The following FTO variants were observed in gnomAD, a reference collection of about 807,000 sequenced individuals.
FTO encodes alpha-ketoglutarate-dependent dioxygenase FTO.
A neutral mutation model predicts 63.9 loss-of-function variants in FTO; 47 were observed. The observed-to-expected ratio is 0.74, with a 90% CI of 0.58 to 0.94. FTO has a LOEUF of 0.94. Among genes scored for constraint, FTO ranks in the 40% least tolerant of loss-of-function variants. The pLI, the probability that FTO is intolerant of heterozygous loss-of-function variation, is 0.00. For synonymous variants in FTO, 207 were observed against 224.4 expected, an observed-to-expected ratio of 0.92 and a Z score of 0.69; for missense variants, 562 against 618.1, an observed-to-expected ratio of 0.91 and a Z score of 0.96.
chr16:54,071,839 A>T (rs2144457214), intron 8 of FTO: 1 of 152,230 alleles, frequency 6.6e-6, no homozygotes, highest in Admixed American at 6.5e-5. Flanking sequence ...CCTAAATGGG[A>T]TCCATCAATT....
chr16:54,040,111 T>A (rs2085036091), intron 8 of FTO: 1 of 152,236 alleles, frequency 6.6e-6, no homozygotes, highest in African/African-American at 2.4e-5. Flanking sequence ...GTGAACTGCT[T>A]TAATAATAAC....
chr16:53,721,890 A>T (rs573447900), intron 1 of FTO, among the ~76,000 whole-genome samples: 4 of 152,224 alleles, frequency 2.6e-5, no homozygotes, highest in Non-Finnish European at 5.9e-5. Flanking sequence ...TTTTGAAAAA[A>T]CAGAGATACT....
At chr16:53,781,935 C>T (rs184825955) in intron 1 of FTO, among the ~76,000 whole-genome samples, 1 of 152,244 alleles carries the variant, frequency 6.6e-6, no homozygotes, top group Admixed American at 6.5e-5. Context: ...TTCTCTACAC[C>T]TCAGTTTCTT....
rs1299546781 is a variant in FTO at position 54,113,231 on chromosome 16, T to G, written c.*1316T>G. 6.6e-6 allele frequency: 1 copy of G among 152,254 alleles called. No individual in the cohort carries two copies. Among genetic ancestry groups the G allele is most frequent in the Non-Finnish European group, 1.5e-5 (1 of 68,102 alleles). 9.4% of individuals were successfully genotyped at this position (152,254 alleles called of 1,614,324 possible). A position where few individuals can be genotyped will look rare whatever the true frequency, so the allele number is the denominator to read the frequency against. The stretch of plus-strand genomic sequence containing the variant: ...TCTTGTGATGCCATTAACACATCTC[T>G]CCCTTTCTGACCTGGCTCCTGCCCA... On this transcript the variant is annotated 3_prime_UTR_variant, in exon 9 of 9. Transcript: ENST00000471389.
chr16:54,042,461 C>G (rs2085106343), intron 8 of FTO, among the ~76,000 whole-genome samples: 1 of 35,304 alleles, frequency 2.8e-5, no homozygotes, highest in Non-Finnish European at 4.8e-5. Context: ...GTCCTACGCC[C>G]ACGGAATCTC....
upstream of FTO, chr16:53,703,973 C>A: frequency 1.6e-6 from 1 of 644,544 alleles, no homozygotes; most frequent in Admixed American, 2.3e-5. Context: ...CTACGCTCTT[C>A]CAGCTGTCGG....
At chr16:53,841,985 C>A (rs1245470548) in intron 3 of FTO, among the ~76,000 whole-genome samples, 1 of 152,176 alleles carries the variant, frequency 6.6e-6, no homozygotes, top group Admixed American at 6.5e-5. Context: ...AGCAGCAATG[C>A]CATGCTTTCT....
intron 4 of FTO, among the ~76,000 whole-genome samples, chr16:53,847,777 A>T (rs2079672415): frequency 6.6e-6 from 1 of 152,246 alleles, no homozygotes; most frequent in Non-Finnish European, 1.5e-5. Flanking sequence ...TCAAAAAAAA[A>T]AAAAGCGCTG....
intron 1 of FTO, among the ~76,000 whole-genome samples, chr16:53,730,193 T>C (rs2076240839): frequency 6.6e-6 from 1 of 152,148 alleles, no homozygotes; most frequent in South Asian, 2.1e-4. Context: ...AAATATCATA[T>C]TGAAAGGAGA....
intron 4 of FTO, among the ~76,000 whole-genome samples, chr16:53,867,165 G>C (rs1172389647): frequency 6.6e-6 from 1 of 151,910 alleles, no homozygotes; most frequent in East Asian, 1.9e-4. Context: ...CTATCTCCAA[G>C]TATTTGGGAA....
chr16:53,825,614 T>C (rs559722019), intron 2 of FTO, among the ~76,000 whole-genome samples: 1 of 152,278 alleles, frequency 6.6e-6, no homozygotes, highest in South Asian at 2.1e-4. Context: ...ACACACATTA[T>C]TATTTTTTGT....
chr16:53,883,646 A>AAAAAAAAAAAAC (rs1555489016), intron 6 of FTO, among the ~76,000 whole-genome samples: 8 of 135,768 alleles, frequency 5.9e-5, no homozygotes, highest in African/African-American at 1.8e-4. Flanking sequence ...CAAAAAAAAA[A>AAAAAAAAAAAAC]AAACAAATTT....
intron 1 of FTO, among the ~76,000 whole-genome samples, chr16:53,802,750 T>C (rs2078259641): frequency 6.6e-6 from 1 of 152,212 alleles, no homozygotes; most frequent in Non-Finnish European, 1.5e-5. Flanking sequence ...CTTTTTCCTC[T>C]CTGTATTTCA....
At chr16:54,108,670 C>T (rs1026893983) in intron 8 of FTO, among the ~76,000 whole-genome samples, 5 of 152,132 alleles carry the variant, frequency 3.3e-5, no homozygotes, top group African/African-American at 7.2e-5. Context: ...AGGTATTGGG[C>T]GCTTGCTATG....
At chr16:53,889,409 A>G (rs1038428950) in intron 7 of FTO, among the ~76,000 whole-genome samples, 14 of 152,220 alleles carry the variant, frequency 9.2e-5, no homozygotes, top group Admixed American at 5.9e-4. Flanking sequence ...TGGCACAGCA[A>G]GGTGGAAACT....
chr16:53,719,397 A>G (rs1249585268), intron 1 of FTO, among the ~76,000 whole-genome samples: 1 of 151,386 alleles, frequency 6.6e-6, no homozygotes, highest in Non-Finnish European at 1.5e-5. Flanking sequence ...ATGCCTGGCT[A>G]TTGTCTATTT....
At chr16:53,832,980 G>A (rs144336937) in intron 3 of FTO, among the ~76,000 whole-genome samples, 142 of 152,294 alleles carry the variant, frequency 9.3e-4, no homozygotes, top group African/African-American at 3.2e-3. Context: ...TGGTTCAGCT[G>A]TGTCCCTGGG....
intron 7 of FTO, chr16:53,911,450 G>T (rs755788528): frequency 1.4e-6 from 1 of 702,968 alleles, no homozygotes; most frequent in East Asian, 2.7e-5. Flanking sequence ...TGGCCATACC[G>T]TTGCATTCAT....
intron 4 of FTO, among the ~76,000 whole-genome samples, chr16:53,852,888 C>T (rs1012781139): frequency 1.3e-5 from 2 of 152,120 alleles, no homozygotes; most frequent in Non-Finnish European, 2.9e-5. Context: ...CTAGATGTTT[C>T]GTCATGTGAC....
Sources: allele counts gnomAD v4.1 joint callset (sites outside exome capture counted in the v4.1 genomes callset), GRCh38; gene constraint gnomAD v4.1.1; transcripts MANE v1.5; gene names NCBI Gene and HGNC (gene_info 2026-07-23, HGNC 2026-07-21).